INPP5B: variants seen among roughly 807,000 people sequenced by gnomAD.
INPP5B encodes the protein inositol polyphosphate-5-phosphatase B.
A neutral mutation model predicts 118.5 loss-of-function variants in INPP5B; 90 were observed. That is an observed-to-expected ratio of 0.76 (90% CI 0.64 to 0.90). The LOEUF is 0.90. Ranked by LOEUF, INPP5B falls within the 40% of genes least tolerant of loss-of-function variation. INPP5B has a pLI of 0.00. For synonymous variants in INPP5B, 385 were observed against 418.9 expected (o/e 0.92, Z 0.99); for missense variants, 984 against 1,125.6 (o/e 0.87, Z 1.80).
chr1:37,931,530 C>A, intron 7 of INPP5B: 1 of 1,536,080 alleles, frequency 6.5e-7, no homozygotes, highest in Non-Finnish European at 8.7e-7. Context: ...GCCCCAGTGT[C>A]CCAGCCTCCA....
At chr1:37,869,488 T>C (rs940269504) in intron 19 of INPP5B, among the ~76,000 whole-genome samples, 8 of 149,938 alleles carry the variant, frequency 5.3e-5, no homozygotes, top group Non-Finnish European at 1.2e-4. Flanking sequence ...TATTTACTTA[T>C]TTATTTATTC....
chr1:37,870,266 T>C (rs1464422627), intron 19 of INPP5B, among the ~76,000 whole-genome samples: 3 of 151,920 alleles, frequency 2.0e-5, no homozygotes, highest in Non-Finnish European at 4.4e-5. Flanking sequence ...CACACCCCCA[T>C]ACCCAGCTCA....
chr1:37,885,726 T>A lies in INPP5B; in HGVS notation c.1231A>T (p.Arg411Trp). ...LAAHIEEYER[R>W]NQDYKDICSR... ...CAAATGTCCTTATAGTCCTGGTTCC[T>A]CCTCTCATACTCTTCAATGTGGGCT... Residue 411 changes from arginine (R) to tryptophan (W), a missense_variant, in exon 13 of 24, where the codon AGG (arginine) becomes TGG (tryptophan). Around this residue, in one of 2 missense-constraint regions of INPP5B, gnomAD observed 634 missense variants for 791.0 expected, o/e 0.80. Coordinates refer to ENST00000373024, the MANE Select transcript of INPP5B (RefSeq NM_005540.3). 1 of 1,614,174 alleles carries A rather than the reference T, an allele frequency of 6.2e-7. No individual in the cohort carries two copies. The highest frequency in any genetic ancestry group is 8.5e-7 in the Non-Finnish European group (1 of 1,180,032).
chr1:37,905,053 A>C (rs1267807714), intron 7 of INPP5B, among the ~76,000 whole-genome samples: 1 of 152,178 alleles, frequency 6.6e-6, no homozygotes, highest in African/African-American at 2.4e-5. Flanking sequence ...TCATAAAGGA[A>C]GCATTGTCAA....
intron 7 of INPP5B, chr1:37,931,621 ACCG>A: frequency 1.3e-6 from 2 of 1,534,932 alleles, no homozygotes; most frequent in Non-Finnish European, 1.7e-6. Flanking sequence ...GGCCGGGCGC[ACCG>A]CCGCCCCCGG....
chr1:37,905,857 G>T (rs1644485801), intron 7 of INPP5B, among the ~76,000 whole-genome samples: 1 of 152,148 alleles, frequency 6.6e-6, no homozygotes, highest in African/African-American at 2.4e-5. Flanking sequence ...AAACATTGCT[G>T]ATCCCTTGTT....
At position 37,866,547 on chromosome 1, in the gene INPP5B, CA is replaced by C. The variant is rs745757893; in HGVS notation, c.2302-5del. ...CTGGTTGCTGAAACAGATCTTCCTG[CA>C]AAAGGGAAGACAGTAACAAAATAAT... On this transcript the variant is annotated splice_polypyrimidine_tract_variant and splice_region_variant and intron_variant, in intron 20 of 23. Coordinates refer to ENST00000373024, the MANE Select transcript of INPP5B (RefSeq NM_005540.3). 4 of 1,558,828 alleles carry C rather than the reference CA, an allele frequency of 2.6e-6. No homozygotes were observed. Among genetic ancestry groups the C allele is most frequent in the Non-Finnish European group, 3.5e-6 (4 of 1,129,662 alleles).
At chr1:37,862,464 G>T in intron 23 of INPP5B, 34 bp from the exon 24 acceptor site, 1 of 1,349,078 alleles carries the variant, frequency 7.4e-7, no homozygotes, top group Non-Finnish European at 1.1e-6. Context: ...AAATGATTCA[G>T]CAAAAGAAGG....
At chr1:37,883,432 C>T in intron 13 of INPP5B, 3 of 985,434 alleles carry the variant, frequency 3.0e-6, no homozygotes, top group Non-Finnish European at 3.6e-6. Context: ...CATTGGTTGG[C>T]TCTTTCTGTA....
In INPP5B at chr1:37,907,432, T is replaced by TAA. The variant is rs1644538107; in HGVS notation, c.533-15979_533-15978insTT. On this transcript the variant is annotated intron_variant, in intron 7 of 23. Transcript: ENST00000373024. This position sits in a 1 kb window ranked among gnomAD's most constrained non-coding sequence, Gnocchi z 4.3. Reference sequence around the variant, plus strand: ...GTTACAGAAGATGGATTTTCATCCCTTTGCAACCCTTATGATTAAGGGCTC... The same window carrying TAA: ...GTTACAGAAGATGGATTTTCATCCCTAATTGCAACCCTTATGATTAAGGGCTC... Among the ~76,000 whole-genome samples, 1 of 152,292 alleles carries TAA rather than the reference T, an allele frequency of 6.6e-6. No individual in the cohort carries two copies. The highest frequency in any genetic ancestry group is 1.9e-4 in the East Asian group (1 of 5,184).
rs1269168640 is a variant in INPP5B at position 37,907,682 on chromosome 1, C to A, written c.533-16228G>T. 6.6e-6 allele frequency among the ~76,000 whole-genome samples: 1 copy of A among 152,186 alleles called. No individual in the cohort carries two copies. The highest frequency in any genetic ancestry group is 2.4e-5 in the African/African-American group (1 of 41,442). On this transcript the variant is annotated intron_variant, in intron 7 of 23. Transcript: ENST00000373024. This position sits in a 1 kb window ranked among gnomAD's most constrained non-coding sequence, Gnocchi z 4.3. ...AAGAAGCCTGCTAACACCCACCAAACCAAGATGGCCATGAGAGTGACCCAC... is the reference window on the plus strand; with the variant it reads ...AAGAAGCCTGCTAACACCCACCAAAACAAGATGGCCATGAGAGTGACCCAC...
At chr1:37,901,968 C>T (rs1014628259) in intron 7 of INPP5B, among the ~76,000 whole-genome samples, 2 of 149,428 alleles carry the variant, frequency 1.3e-5, no homozygotes, top group African/African-American at 2.4e-5. Flanking sequence ...GTTCGGTCAC[C>T]AAGTCTTATG....
chr1:37,893,888 C>T (rs1643920563), intron 7 of INPP5B, among the ~76,000 whole-genome samples: 1 of 152,184 alleles, frequency 6.6e-6, no homozygotes, highest in Admixed American at 6.5e-5. Context: ...CCCTCTTCTT[C>T]ATTCTGCTTT....
Position 37,945,859 on chromosome 1 carries a change from CAG to C in INPP5B, c.58-11_58-10del, listed in dbSNP as rs1261866339. On this transcript the variant is annotated splice_polypyrimidine_tract_variant and intron_variant, in intron 2 of 23. Transcript: ENST00000373024. ...AGCACACCTTGCACCGCCTGCGGCT[CAG>C]AGTCAAGGGAAGACAACCCAGAGGC... 1 of 1,613,690 alleles carries C rather than the reference CAG, an allele frequency of 6.2e-7. No individual in the cohort carries two copies.
At chr1:37,932,637 G>T (rs1286632041) in intron 6 of INPP5B, among the ~76,000 whole-genome samples, 1 of 152,012 alleles carries the variant, frequency 6.6e-6, no homozygotes, top group East Asian at 1.9e-4. Context: ...AAAGTGTTGG[G>T]ATTACAGGCG....
At chr1:37,896,491 C>T (rs1364528619) in intron 7 of INPP5B, among the ~76,000 whole-genome samples, 5 of 147,888 alleles carry the variant, frequency 3.4e-5, no homozygotes, top group South Asian at 2.2e-4. Context: ...GCCCCCCGCC[C>T]GGCCAGCCGC....
chr1:37,898,266 T>G (rs889066307), intron 7 of INPP5B, among the ~76,000 whole-genome samples: 2 of 151,982 alleles, frequency 1.3e-5, no homozygotes, highest in African/African-American at 4.8e-5. Context: ...CCAGGGGTTT[T>G]GGGGGTGAGG....
At chr1:37,876,895 C>T (rs1293875747) in intron 16 of INPP5B, among the ~76,000 whole-genome samples, 1 of 148,552 alleles carries the variant, frequency 6.7e-6, no homozygotes, top group Non-Finnish European at 1.5e-5. Context: ...AAAAATTAGT[C>T]AGGTAAGGTG....
intron 7 of INPP5B, among the ~76,000 whole-genome samples, chr1:37,919,983 G>C (rs1012815889): frequency 3.3e-5 from 5 of 152,048 alleles, no homozygotes; most frequent in Non-Finnish European, 7.4e-5. Flanking sequence ...AATACTTAAG[G>C]CTTACTACGT....
Sources: allele counts gnomAD v4.1 joint callset (sites outside exome capture counted in the v4.1 genomes callset), GRCh38; gene constraint gnomAD v4.1.1; regional missense constraint gnomAD v4.1.1; non-coding constraint Gnocchi (gnomAD v3.1); transcripts MANE v1.5; gene names NCBI Gene and HGNC (gene_info 2026-07-23, HGNC 2026-07-21).